The following FXR1 variants were observed in gnomAD, a reference collection of about 807,000 sequenced individuals.
The protein encoded by FXR1 is RNA-binding protein FXR1.
A neutral mutation model predicts 84.0 loss-of-function variants in FXR1; 15 were observed. The observed-to-expected ratio is 0.18, with a 90% CI of 0.12 to 0.27. The LOEUF (loss-of-function observed/expected upper bound fraction) is 0.27. Among genes scored for constraint, FXR1 ranks in the 10% least tolerant of loss-of-function variants. The probability of loss-of-function intolerance (pLI) is 1.00; values close to 1 mark genes in which losing one functional copy is unlikely to be tolerated. For missense variants in FXR1, 480 were observed against 774.4 expected (o/e 0.62, Z 4.51); for synonymous variants, 245 against 250.7 (o/e 0.98, Z 0.21).
At position 180,981,718 on chromosome 3, in the gene FXR1, G is replaced by GA. The variant is rs1303592017; in HGVS notation, c.*5432dup. 6.6e-6 allele frequency: 1 copy of GA among 152,004 alleles called. No homozygotes were observed. The highest frequency in any genetic ancestry group is 6.6e-5 in the Admixed American group (1 of 15,258). The allele number at this position is 152,004 out of a possible 1,614,324, so 9.4% of individuals were successfully genotyped here. ...TAGTTTCACTAGCCGTGGGACCTTA[G>GA]AAAAAAGACCATTTGCTCTGGACTT... On this transcript the variant is annotated 3_prime_UTR_variant, in exon 17 of 17. Transcript: ENST00000357559.
chr3:180,972,586 T>C (rs1295192806), intron 15 of FXR1, among the ~76,000 whole-genome samples: 2 of 152,168 alleles, frequency 1.3e-5, no homozygotes, highest in African/African-American at 4.8e-5. Flanking sequence ...TATTACAACA[T>C]TTATTAACTA....
At chr3:180,971,252 T>G (rs1204991764) in intron 15 of FXR1, 7 of 309,220 alleles carry the variant, frequency 2.3e-5, no homozygotes, top group Non-Finnish European at 4.1e-5. Context: ...TGTACACATG[T>G]GTGCATATAC....
intron 13 of FXR1, among the ~76,000 whole-genome samples, chr3:180,966,702 C>T (rs1176915235): frequency 1.3e-5 from 2 of 152,100 alleles, no homozygotes; most frequent in Admixed American, 6.5e-5. Flanking sequence ...AAAATAACAA[C>T]ATGGCACAGT....
rs1382676191 is a variant in FXR1, at chr3:180,976,710, A to T, written c.*418A>T. On this transcript the variant is annotated 3_prime_UTR_variant, in exon 17 of 17. Coordinates refer to ENST00000357559, the MANE Select transcript of FXR1 (RefSeq NM_005087.4). ...GGAAAACTAGAATGAAATGCAGTCTAAAATATTTTGCACTGAATTGTAATT... is the reference window on the plus strand; with the variant it reads ...GGAAAACTAGAATGAAATGCAGTCTTAAATATTTTGCACTGAATTGTAATT... The T allele has an allele frequency of 1.3e-5, 2 of 153,052 alleles. No individual in the cohort carries two copies. The highest frequency in any genetic ancestry group is 1.3e-4 in the Admixed American group (2 of 15,272). 9.5% of individuals were successfully genotyped at this position (153,052 alleles called of 1,614,324 possible).
At chr3:180,918,508 ATAC>A (rs564641847) in intron 1 of FXR1, among the ~76,000 whole-genome samples, 144 of 152,302 alleles carry the variant, frequency 9.5e-4, no homozygotes, top group Middle Eastern at 3.4e-3. Context: ...AAAAGGGCAG[ATAC>A]TTTGCTGGAT....
chr3:180,922,284 A>C (rs1718684594), intron 1 of FXR1, among the ~76,000 whole-genome samples: 1 of 152,192 alleles, frequency 6.6e-6, no homozygotes, highest in Non-Finnish European at 1.5e-5. Flanking sequence ...GTTCTCCATC[A>C]ATAATAAATG....
intron 7 of FXR1, among the ~76,000 whole-genome samples, chr3:180,950,629 C>T (rs1722137369): frequency 6.6e-6 from 1 of 152,164 alleles, no homozygotes; most frequent in Non-Finnish European, 1.5e-5. Context: ...ACCCTTTAGA[C>T]AGCTGCTCAT....
At chr3:180,927,398 C>T (rs776068713) in intron 1 of FXR1, among the ~76,000 whole-genome samples, 1 of 152,034 alleles carries the variant, frequency 6.6e-6, no homozygotes, top group Non-Finnish European at 1.5e-5. Flanking sequence ...CATACAGTGT[C>T]ATTAGGTCAC....
At chr3:180,940,775 C>T (rs750858441) in intron 3 of FXR1, among the ~76,000 whole-genome samples, 1 of 152,064 alleles carries the variant, frequency 6.6e-6, no homozygotes, top group Non-Finnish European at 1.5e-5. Context: ...GGGTTTTCTC[C>T]ACATTGGTCA....
At chr3:180,957,632 A>G (rs1711525779) in intron 9 of FXR1, 187 bp from the exon 10 acceptor site, 4 of 475,014 alleles carry the variant, frequency 8.4e-6, no homozygotes, top group Non-Finnish European at 1.1e-5. Flanking sequence ...CTGAAAGAGA[A>G]GTAAGTTTCA....
At chr3:180,972,920 T>C (rs767637603) in intron 15 of FXR1, among the ~76,000 whole-genome samples, 4 of 152,186 alleles carry the variant, frequency 2.6e-5, no homozygotes, top group Non-Finnish European at 4.4e-5. Context: ...AAAGCTAATA[T>C]CAATATTCTG....
intron 8 of FXR1, among the ~76,000 whole-genome samples, chr3:180,952,831 T>C (rs1490695072): frequency 2.1e-5 from 2 of 96,032 alleles, no homozygotes; most frequent in African/African-American, 4.3e-5. Context: ...TTATTTGCTT[T>C]TTTTTTTTTT....
intron 15 of FXR1, chr3:180,971,212 TGTCTGCTTTCTA>T (rs1054874371): frequency 4.1e-5 from 21 of 517,706 alleles, no homozygotes; most frequent in Middle Eastern, 4.9e-4. Context: ...AAAATGTCTA[TGTCTGCTTTCTA>T]AATATATTAT....
chr3:180,956,789 A>G (rs1229263915), intron 9 of FXR1, among the ~76,000 whole-genome samples: 1 of 151,592 alleles, frequency 6.6e-6, no homozygotes, highest in Non-Finnish European at 1.5e-5. Flanking sequence ...AGAGAGAAAA[A>G]CCCATTATAG....
At chr3:180,968,420 AGT>A (rs1713114763) in intron 14 of FXR1, 166 bp downstream of exon 14, 1 of 582,500 alleles carries the variant, frequency 1.7e-6, no homozygotes, top group Non-Finnish European at 3.1e-6. Context: ...GCCCTCGTAG[AGT>A]GTTTCTCAGT....
At chr3:180,924,159 A>G (rs1718902844) in intron 1 of FXR1, among the ~76,000 whole-genome samples, 1 of 152,080 alleles carries the variant, frequency 6.6e-6, no homozygotes, top group African/African-American at 2.4e-5. Context: ...GGGTTTCGCC[A>G]TGTTGGCCTC....
At chr3:180,945,592 G>C (rs1721613098) in intron 3 of FXR1, among the ~76,000 whole-genome samples, 1 of 152,142 alleles carries the variant, frequency 6.6e-6, no homozygotes, top group African/African-American at 2.4e-5. Context: ...ATTTTTGATA[G>C]AGATGGGGTT....
chr3:180,975,126 T>C (rs1474740723), intron 15 of FXR1, among the ~76,000 whole-genome samples, 187 bp from the exon 16 acceptor site: 1 of 152,178 alleles, frequency 6.6e-6, no homozygotes, highest in Non-Finnish European at 1.5e-5. Context: ...GCTTGAAATT[T>C]TCTTCAGCAC....
At chr3:180,914,393 TCTCA>T (rs978374696) in intron 1 of FXR1, among the ~76,000 whole-genome samples, 6 of 152,186 alleles carry the variant, frequency 3.9e-5, no homozygotes, top group African/African-American at 7.2e-5. Context: ...AGTTTTAAAT[TCTCA>T]CTATTTGGCC....
Sources: gnomAD v4.1 joint callset for allele counts (sites outside exome capture counted in the v4.1 genomes callset) on GRCh38, gnomAD v4.1.1 for gene constraint, MANE v1.5 for transcripts, NCBI Gene and HGNC (gene_info 2026-07-23, HGNC 2026-07-21) for gene names.